The following ZNF486 variants were observed in gnomAD, a reference collection of about 807,000 sequenced individuals.
ZNF486 encodes the protein zinc finger protein 486.
ZNF486 carries 12 observed loss-of-function variants against 12.8 expected under a neutral mutation model. The observed-to-expected ratio is 0.94, with a 90% CI of 0.60 to 1.52. The LOEUF (loss-of-function observed/expected upper bound fraction) is 1.52. Ranked by LOEUF, ZNF486 falls within the 40% of genes most tolerant of loss-of-function variation. The pLI, the probability that ZNF486 is intolerant of heterozygous loss-of-function variation, is 0.00. For missense variants in ZNF486, 738 were observed against 545.0 expected (o/e 1.35, Z -3.53); for synonymous variants, 231 against 184.9 (o/e 1.25, Z -2.02).
At chr19:20,186,868 C>A (rs1354411939) in intron 3 of ZNF486, among the ~76,000 whole-genome samples, 1 of 144,936 alleles carries the variant, frequency 6.9e-6, no homozygotes, top group Non-Finnish European at 1.5e-5. Context: ...ACTGCAAACT[C>A]TGCCTCCTGG....
intron 2 of ZNF486, 25 bp from the exon 3 acceptor site, chr19:20,185,962 A>G (rs782169349): frequency 7.6e-6 from 11 of 1,440,626 alleles, no homozygotes; most frequent in Middle Eastern, 3.6e-4. Context: ...AGCAAGATTA[A>G]TGCTATTTAT....
At chr19:20,190,720 C>T (rs1387447297) in intron 3 of ZNF486, among the ~76,000 whole-genome samples, 1 of 152,186 alleles carries the variant, frequency 6.6e-6, no homozygotes, top group Non-Finnish European at 1.5e-5. Flanking sequence ...GGTATGTGTC[C>T]TAACAGATTA....
intron 1 of ZNF486, among the ~76,000 whole-genome samples, chr19:20,184,153 A>G (rs1268763329): frequency 6.6e-6 from 1 of 152,172 alleles, no homozygotes; most frequent in Admixed American, 6.5e-5. Flanking sequence ...ATATGAACTA[A>G]TGTTGTGGAT....
chr19:20,186,210 T>TATTATTTA (rs2089844349), intron 3 of ZNF486, 128 bp downstream of exon 3: 1 of 479,800 alleles, frequency 2.1e-6, no homozygotes, highest in South Asian at 5.5e-5. Context: ...TGGGCAGCTG[T>TATTATTTA]TTTATTTATT....
Position 20,197,812 on chromosome 19 carries a change from CA to C in ZNF486, c.1103del (p.His368LeufsTer3), listed in dbSNP as rs782275998. 148 of 1,613,670 alleles carry C rather than the reference CA, an allele frequency of 9.2e-5. No individual in the cohort carries two copies. The highest frequency in any genetic ancestry group is 9.1e-5 in the Non-Finnish European group (107 of 1,179,930). On this transcript the variant is annotated frameshift_variant, in exon 4 of 4. Coordinates refer to ENST00000335117, the MANE Select transcript of ZNF486 (RefSeq NM_052852.4). LOFTEE classifies it low-confidence loss of function (END_TRUNC). ...CACCCGCTCCTCACACCTTACTATG[CA>C]TAAGATAATTCATACTGGAGAGAAA... Reference protein sequence around the residue: ...AFTRSSHLTMHKIIHTGEKPY... With the variant: ...AFTRSSHLTMXKIIHTGEKPY...
chr19:20,184,942 C>T (rs2089826614), intron 2 of ZNF486, among the ~76,000 whole-genome samples: 1 of 151,966 alleles, frequency 6.6e-6, no homozygotes, highest in Admixed American at 6.6e-5. Context: ...AGAAACCCCG[C>T]CTATACTAAA....
In ZNF486 at chr19:20,197,372, G is replaced by A. The variant is rs781931723; in HGVS notation, c.662G>A (p.Arg221Gln). The change falls in exon 4 of 4, where the codon CGG becomes CAG. Residue 221 changes from arginine (R) to glutamine (Q), a missense_variant. Coordinates refer to ENST00000335117, the MANE Select transcript of ZNF486 (RefSeq NM_052852.4). Reference protein sequence around the residue: ...KCEECGKAFNRSSHLTTHKIT... With the variant: ...KCEECGKAFNQSSHLTTHKIT... ...GAAGAATGTGGCAAAGCCTTCAACC[G>A]GTCCTCACACCTTACTACACATAAG... 9.9e-6 allele frequency: 16 copies of A among 1,611,114 alleles called. No homozygotes were observed. Among genetic ancestry groups the A allele is most frequent in the African/African-American group, 6.7e-5 (5 of 74,304 alleles).
At chr19:20,194,988 A>G (rs1022033202) in intron 3 of ZNF486, among the ~76,000 whole-genome samples, 1 of 151,268 alleles carries the variant, frequency 6.6e-6, no homozygotes, top group African/African-American at 2.4e-5. Flanking sequence ...GTATTTTAGT[A>G]TTTCTTTTTA....
At chr19:20,186,303 G>A (rs1465689419) in intron 3 of ZNF486, among the ~76,000 whole-genome samples, 2 of 152,006 alleles carry the variant, frequency 1.3e-5, no homozygotes, top group African/African-American at 4.8e-5. Context: ...TATTCTTTCG[G>A]TGAGCTTCCT....
Position 20,178,039 on chromosome 19 carries a change from TC to T in ZNF486, c.31-6316del, listed in dbSNP as rs553491317. On this transcript the variant is annotated intron_variant, in intron 1 of 3. Transcript: ENST00000335117. ...CCTGGGTTCAAGAGATTCTCCTGCC[TC>T]GGCCCTTTGAGTAGCTGGGATTACA... Among the ~76,000 whole-genome samples, 313 of 151,458 alleles carry T rather than the reference TC, an allele frequency of 2.1e-3. 1 individual carries two copies. The highest frequency in any genetic ancestry group is 0.021 in the Middle Eastern group (6 of 292).
At chr19:20,175,342 T>TTTTTTTAATTTA (rs1555714518) in intron 1 of ZNF486, 33 of 146,174 alleles carry the variant, frequency 2.3e-4, no homozygotes, top group Non-Finnish European at 4.5e-4. Flanking sequence ...TTTTTTTTTT[T>TTTTTTTAATTTA]TTTTTTTTAT....
intron 3 of ZNF486, among the ~76,000 whole-genome samples, chr19:20,191,791 AAG>A (rs1329220961): frequency 6.6e-6 from 1 of 152,074 alleles, no homozygotes; most frequent in Admixed American, 6.6e-5. Flanking sequence ...AAAAAAGAAA[AAG>A]AAATTATGCA....
chr19:20,168,847 A>AT (rs1555713376), intron 1 of ZNF486, among the ~76,000 whole-genome samples: 4 of 151,676 alleles, frequency 2.6e-5, no homozygotes, highest in Admixed American at 6.6e-5. Context: ...GGTTAAAAAA[A>AT]ATTTTTTTTT....
At chr19:20,172,204 C>G (rs985526249) in intron 1 of ZNF486, among the ~76,000 whole-genome samples, 3 of 151,870 alleles carry the variant, frequency 2.0e-5, no homozygotes, top group Admixed American at 2.0e-4. Flanking sequence ...GATTTCTCCA[C>G]GTGGGTCAGG....
chr19:20,167,246 T>C lies in ZNF486; in HGVS notation c.-85T>C, dbSNP rs782188540. The stretch of plus-strand genomic sequence containing the variant: ...GCTGCATCTGGAGCTCTAGGTCGCC[T>C]CTTCGCTACTCTGTGTCCTCTGCTC... On this transcript the variant is annotated 5_prime_UTR_variant, in exon 1 of 4. Transcript: ENST00000335117. 2.7e-5 allele frequency: 42 copies of C among 1,566,680 alleles called. 1 individual carries two copies. The highest frequency in any genetic ancestry group is 1.4e-5 in the Non-Finnish European group (16 of 1,137,290).
intron 1 of ZNF486, among the ~76,000 whole-genome samples, chr19:20,177,949 C>G (rs73540114): frequency 7.7e-6 from 1 of 130,700 alleles, no homozygotes; most frequent in African/African-American, 3.4e-5. Flanking sequence ...TTTTTTGAGA[C>G]GAAGTCTCTC....
intron 1 of ZNF486, among the ~76,000 whole-genome samples, chr19:20,177,935 C>CTTTTTTTTTTTTT (rs1241165221): frequency 1.0e-4 from 15 of 145,174 alleles, no homozygotes; most frequent in Admixed American, 1.3e-4. Context: ...AACATTTGTT[C>CTTTTTTTTTTTTT]TTTTTTTTTG....
intron 3 of ZNF486, among the ~76,000 whole-genome samples, chr19:20,193,939 G>A (rs2122680755): frequency 6.6e-6 from 1 of 152,116 alleles, no homozygotes; most frequent in South Asian, 2.1e-4. Flanking sequence ...ATATTTGAAT[G>A]TGGTAAAAAA....
intron 2 of ZNF486, among the ~76,000 whole-genome samples, 188 bp downstream of exon 2, chr19:20,184,670 C>A (rs1555716100): frequency 6.6e-6 from 1 of 152,160 alleles, no homozygotes; most frequent in African/African-American, 2.4e-5. Flanking sequence ...TCCAAACTTT[C>A]CACATTGCTG....
Sources: gnomAD v4.1 joint callset for allele counts (sites outside exome capture counted in the v4.1 genomes callset) on GRCh38, gnomAD v4.1.1 for gene constraint, MANE v1.5 for transcripts, NCBI Gene and HGNC (gene_info 2026-07-23, HGNC 2026-07-21) for gene names.